The following P2RX1 variants were observed in gnomAD, a reference collection of about 807,000 sequenced individuals.
The protein encoded by P2RX1 is purinergic receptor P2X 1.
A neutral mutation model predicts 50.3 loss-of-function variants in P2RX1; 42 were observed. The observed-to-expected ratio is 0.83, with a 90% confidence interval of 0.65 to 1.08. The LOEUF (loss-of-function observed/expected upper bound fraction) is 1.08. P2RX1 is among the 50% of genes least tolerant of loss of function. The pLI is 0.00. For missense variants in P2RX1, 449 were observed against 529.0 expected (o/e 0.85, Z 1.48); for synonymous variants, 199 against 202.6 (o/e 0.98, Z 0.15).
chr17:3,905,067 T>C, intron 2 of P2RX1, 138 bp from the exon 3 acceptor site: 2 of 1,152,314 alleles, frequency 1.7e-6, no homozygotes, highest in Non-Finnish European at 2.5e-6. Context: ...GCCACCAACA[T>C]GGGGTGATAT....
chr17:3,914,096 G>T lies in P2RX1; in HGVS notation c.137+1993C>A, dbSNP rs2056409958. ...TGCAGCCCTGGGGGTTGCTGGTGAT[G>T]ACGGACTCTGCCTTCCTTCCACCCT... On this transcript the variant is annotated intron_variant, in intron 1 of 11. Transcript: ENST00000225538. The surrounding 1 kb of genome is among the most constrained non-coding windows in gnomAD (Gnocchi z 4.1). Among the ~76,000 whole-genome samples, 1 of 152,208 alleles carries T rather than the reference G, an allele frequency of 6.6e-6. No individual in the cohort carries two copies. Among genetic ancestry groups the T allele is most frequent in the Admixed American group, 6.5e-5 (1 of 15,282 alleles).
intron 8 of P2RX1, 79 bp from the exon 9 acceptor site, chr17:3,899,103 C>G (rs2056087049): frequency 7.1e-6 from 7 of 991,638 alleles, no homozygotes; most frequent in Middle Eastern, 2.1e-4. Context: ...ATCAGGGATA[C>G]AGGAGATTTA....
chr17:3,899,582 A>G, intron 8 of P2RX1, 52 bp downstream of exon 8: 1 of 1,606,932 alleles, frequency 6.2e-7, no homozygotes, highest in South Asian at 1.1e-5. Context: ...TGGGAGTAGA[A>G]AAGCCCGCAG....
At chr17:3,904,963 G>GGC in intron 2 of P2RX1, 34 bp from the exon 3 acceptor site, 14 of 435,264 alleles carry the variant, frequency 3.2e-5, no homozygotes, top group African/African-American at 4.3e-5. Context: ...GGTGGGGTGG[G>GGC]CTGGGAGCTG....
chr17:3,915,135 C>T (rs2056427133), intron 1 of P2RX1, among the ~76,000 whole-genome samples: 1 of 152,110 alleles, frequency 6.6e-6, no homozygotes, highest in African/African-American at 2.4e-5. Flanking sequence ...CTACTGGGCA[C>T]CCCTAGGACC....
At position 3,916,317 on chromosome 17, in the gene P2RX1, T is replaced by G. The variant is rs994812137; in HGVS notation, c.-92A>C. On this transcript the variant is annotated 5_prime_UTR_variant, in exon 1 of 12. Coordinates refer to ENST00000225538, the MANE Select transcript of P2RX1 (RefSeq NM_002558.4). ...CCACCACCCACGTCGATGGTAGAGC[T>G]TCTGGGGGCTTCCTGGCCCCTTAGG... The G allele has an allele frequency of 7.0e-7, 1 of 1,420,584 alleles. No homozygotes were observed. Among genetic ancestry groups the G allele is most frequent in the East Asian group, 2.3e-5 (1 of 43,714 alleles). 88.0% of individuals were successfully genotyped at this position (1,420,584 alleles called of 1,614,324 possible).
chr17:3,906,658 G>A (rs2056270642), intron 1 of P2RX1, among the ~76,000 whole-genome samples: 1 of 152,182 alleles, frequency 6.6e-6, no homozygotes, highest in African/African-American at 2.4e-5. Flanking sequence ...TGGCTCAGTC[G>A]GGAGGTCTTC....
chr17:3,914,250 C>G lies in P2RX1; in HGVS notation c.137+1839G>C, dbSNP rs371766203. Among the ~76,000 whole-genome samples the G allele has an allele frequency of 1.2e-4, 18 of 152,186 alleles. No homozygotes were observed. Among genetic ancestry groups the G allele is most frequent in the African/African-American group, 4.1e-4 (17 of 41,520 alleles). On this transcript the variant is annotated intron_variant, in intron 1 of 11. Transcript: ENST00000225538. This position sits in a 1 kb window ranked among gnomAD's most constrained non-coding sequence, Gnocchi z 4.1. ...TTAGTCTCTTACTAAGCTGTGAGATCCTGGCTAATCCCTGTGGTCCTGAGC... is the reference window on the plus strand; with the variant it reads ...TTAGTCTCTTACTAAGCTGTGAGATGCTGGCTAATCCCTGTGGTCCTGAGC...
rs1358895819 is a variant in P2RX1, at chr17:3,902,257, CTGGGATT to C, written c.747+938_747+944del. Among the ~76,000 whole-genome samples, 4 of 151,956 alleles carry C rather than the reference CTGGGATT, an allele frequency of 2.6e-5. No individual in the cohort carries two copies. The East Asian group carries it at 7.7e-4, about 29-fold the overall frequency. ...TCTCTTGCATCAGCCTCCTGAGTAG[CTGGGATT>C]ACAGGTGCCCGCCACCACACCCAGA... On this transcript the variant is annotated intron_variant, in intron 7 of 11. Transcript: ENST00000225538.
Position 3,903,151 on chromosome 17 carries a change from C to T in P2RX1, c.747+51G>A. The T allele has an allele frequency of 6.2e-7, 1 of 1,612,162 alleles. No individual in the cohort carries two copies. The highest frequency in any genetic ancestry group is 8.5e-7 in the Non-Finnish European group (1 of 1,179,452). On this transcript the variant is annotated intron_variant, in intron 7 of 11. Coordinates refer to ENST00000225538, the MANE Select transcript of P2RX1 (RefSeq NM_002558.4). The surrounding 1 kb of genome is among the most constrained non-coding windows in gnomAD (Gnocchi z 4.6). ...TGAACTGGGCCTAAAAAGCCTTTAT[C>T]AGGATCCTGCGGCCCAGCCCTCCCC...
At position 3,916,097 on chromosome 17, in the gene P2RX1, G is replaced by T. The variant is rs201504847; in HGVS notation, c.129C>A (p.Tyr43Ter). 2 of 1,613,480 alleles carry T rather than the reference G, an allele frequency of 1.2e-6. No individual in the cohort carries two copies. Among genetic ancestry groups the T allele is most frequent in the Non-Finnish European group, 8.5e-7 (1 of 1,179,972 alleles). Reference protein sequence around the residue: ...FRLIQLVVLVYVIGWVFLYEK... With the variant: ...FRLIQLVVLV ...GAGGCGCCCGGACTCACCCGATGACGTAGACCAGGACCACCAGCTGGATCA... is the reference window on the plus strand; with the variant it reads ...GAGGCGCCCGGACTCACCCGATGACTTAGACCAGGACCACCAGCTGGATCA... Residue 43 changes from tyrosine (Y) to a stop codon, truncating the protein, a stop_gained, in exon 1 of 12, where the codon TAC becomes TAA. Coordinates refer to ENST00000225538, the MANE Select transcript of P2RX1 (RefSeq NM_002558.4). LOFTEE classifies it high-confidence loss of function.
At chr17:3,916,049 G>A (rs2052402305) in intron 1 of P2RX1, 40 bp downstream of exon 1, 2 of 1,611,460 alleles carry the variant, frequency 1.2e-6, no homozygotes. Flanking sequence ...CAGGCCCGGG[G>A]TAGGGGCTGG....
In P2RX1 at chr17:3,912,399, C is replaced by T. The variant is rs1035558071; in HGVS notation, c.137+3690G>A. On this transcript the variant is annotated intron_variant, in intron 1 of 11. Coordinates refer to ENST00000225538, the MANE Select transcript of P2RX1 (RefSeq NM_002558.4). ...AGGCTGGAGTGCAGTGGTGCGATCT[C>T]GGCTCACTGCCATCTCCGCCCCCCA... Among the ~76,000 whole-genome samples the T allele has an allele frequency of 7.2e-5, 11 of 152,068 alleles. No homozygotes were observed. In the East Asian group the frequency reaches 7.7e-4, roughly 11 times the overall value.
intron 1 of P2RX1, among the ~76,000 whole-genome samples, chr17:3,908,202 G>A (rs150530393): frequency 1.2e-4 from 18 of 152,272 alleles, no homozygotes; most frequent in African/African-American, 4.3e-4. Context: ...TGGAGCTGCC[G>A]GTCTTGAGGT....
chr17:3,915,890 G>A, intron 1 of P2RX1, 199 bp downstream of exon 1: 1 of 729,500 alleles, frequency 1.4e-6, no homozygotes, highest in Non-Finnish European at 2.4e-6. Context: ...CCCCCGGGCA[G>A]GGCTTCCCCT....
At chr17:3,905,112 C>A in intron 2 of P2RX1, 108 bp downstream of exon 2, 1 of 1,459,386 alleles carries the variant, frequency 6.9e-7, no homozygotes, top group Non-Finnish European at 9.4e-7. Flanking sequence ...TCACAGAGGT[C>A]CAGAGAGAAA....
chr17:3,902,287 A>G (rs1258322092), intron 7 of P2RX1, among the ~76,000 whole-genome samples: 1 of 149,436 alleles, frequency 6.7e-6, no homozygotes, highest in East Asian at 2.0e-4. Context: ...CACCACACCC[A>G]GATAATTTTT....
intron 1 of P2RX1, among the ~76,000 whole-genome samples, chr17:3,909,648 A>G (rs2056328825): frequency 6.6e-6 from 1 of 152,062 alleles, no homozygotes; most frequent in South Asian, 2.1e-4. Flanking sequence ...GGAGTTAGAG[A>G]CCAGCCTGGG....
chr17:3,910,508 G>T (rs2056344566), intron 1 of P2RX1, among the ~76,000 whole-genome samples: 1 of 152,172 alleles, frequency 6.6e-6, no homozygotes. Flanking sequence ...TCCTCCCTCG[G>T]CTTTCATCTA....
Sources: gnomAD v4.1 joint callset for allele counts (sites outside exome capture counted in the v4.1 genomes callset) on GRCh38, gnomAD v4.1.1 for gene constraint, Gnocchi (gnomAD v3.1) non-coding constraint, MANE v1.5 for transcripts, NCBI Gene and HGNC (gene_info 2026-07-23, HGNC 2026-07-21) for gene names.